Variants in THRB observed in about 807,000 individuals in gnomAD.
THRB encodes thyroid hormone receptor beta, also known as nuclear receptor subfamily 1 group A member 2.
A neutral mutation model predicts 47.8 loss-of-function variants in THRB; 12 were observed. The ratio of observed to expected loss-of-function variants is 0.25; its 90% CI spans 0.16 to 0.41. The LOEUF (loss-of-function observed/expected upper bound fraction) is 0.41, where lower values mean the gene tolerates loss of function less well. Among genes scored for constraint, THRB ranks in the 10% least tolerant of loss-of-function variants. The pLI is 1.00. For missense variants in THRB, 348 were observed against 589.2 expected (o/e 0.59, Z 4.24); for synonymous variants, 218 against 212.2 (o/e 1.03, Z -0.24).
chr3:24,241,848 G>A (rs1385371867), intron 3 of THRB, among the ~76,000 whole-genome samples: 1 of 152,052 alleles, frequency 6.6e-6, no homozygotes, highest in African/African-American at 2.4e-5. Flanking sequence ...TGGGGTTCGG[G>A]TCCTATGTTT....
At chr3:24,291,730 G>A (rs2055937598) in intron 3 of THRB, among the ~76,000 whole-genome samples, 1 of 152,106 alleles carries the variant, frequency 6.6e-6, no homozygotes, top group African/African-American at 2.4e-5. Context: ...GATATGGAGG[G>A]CTGACTCTAC....
chr3:24,482,685 G>A (rs1235984915), intron 1 of THRB, among the ~76,000 whole-genome samples: 3 of 151,998 alleles, frequency 2.0e-5, no homozygotes, highest in Non-Finnish European at 2.9e-5. Context: ...CCGTGACAGG[G>A]CATTAAAATA....
chr3:24,466,951 G>A (rs2074204210), intron 1 of THRB, among the ~76,000 whole-genome samples: 1 of 152,142 alleles, frequency 6.6e-6, no homozygotes, highest in South Asian at 2.1e-4. Context: ...TTTCTTTCAT[G>A]AAATGTTTCT....
intron 5 of THRB, among the ~76,000 whole-genome samples, chr3:24,185,908 G>C (rs2042511711): frequency 6.6e-6 from 1 of 152,122 alleles, no homozygotes; most frequent in Non-Finnish European, 1.5e-5. Flanking sequence ...AACAGTGTGG[G>C]GTTCTCAGAA....
chr3:24,269,399 G>A (rs200334581), intron 3 of THRB, among the ~76,000 whole-genome samples: 2,122 of 89,788 alleles, frequency 0.024, 70 homozygotes, highest in African/African-American at 0.075. Flanking sequence ...GCGCGCGCGC[G>A]CGCGCACACA....
At chr3:24,211,493 T>C (rs1485928192) in intron 4 of THRB, among the ~76,000 whole-genome samples, 1 of 152,214 alleles carries the variant, frequency 6.6e-6, no homozygotes, top group Non-Finnish European at 1.5e-5. Flanking sequence ...CAAAATGTCC[T>C]GTCACCGTAA....
At chr3:24,487,984 A>T (rs559811222) in intron 1 of THRB, among the ~76,000 whole-genome samples, 2 of 152,362 alleles carry the variant, frequency 1.3e-5, no homozygotes, top group Admixed American at 6.5e-5. Context: ...CTTGAGAACC[A>T]AGGAACAACA....
chr3:24,295,455 A>T (rs2056363004), intron 3 of THRB, among the ~76,000 whole-genome samples: 2 of 152,234 alleles, frequency 1.3e-5, no homozygotes, highest in Admixed American at 1.3e-4. Flanking sequence ...AAATTGAGTG[A>T]TTGAATGGTA....
chr3:24,200,253 T>A (rs534847779), intron 4 of THRB, among the ~76,000 whole-genome samples: 2 of 152,222 alleles, frequency 1.3e-5, no homozygotes, highest in East Asian at 3.9e-4. Flanking sequence ...TGAACCCACA[T>A]TTTTCAAAAA....
At chr3:24,257,038 G>A (rs2051362953) in intron 3 of THRB, among the ~76,000 whole-genome samples, 1 of 152,104 alleles carries the variant, frequency 6.6e-6, no homozygotes, top group Non-Finnish European at 1.5e-5. Context: ...GGTTGTGATA[G>A]CTGTAACTTG....
chr3:24,269,840 T>A (rs1284230327), intron 3 of THRB, among the ~76,000 whole-genome samples: 1 of 152,212 alleles, frequency 6.6e-6, no homozygotes, highest in African/African-American at 2.4e-5. Context: ...ACTTTATCAG[T>A]AAGAAATTAA....
intron 1 of THRB, among the ~76,000 whole-genome samples, chr3:24,405,469 T>C (rs2067747334): frequency 6.6e-6 from 1 of 151,932 alleles, no homozygotes. Context: ...TTGTGGGCCT[T>C]TGGTCTATTG....
chr3:24,329,561 C>T (rs1307507126), intron 2 of THRB, among the ~76,000 whole-genome samples: 1 of 152,240 alleles, frequency 6.6e-6, no homozygotes, highest in Non-Finnish European at 1.5e-5. Context: ...ACTGCCACAT[C>T]TGGCTAAGCT....
At chr3:24,201,936 A>C (rs919225663) in intron 4 of THRB, among the ~76,000 whole-genome samples, 2 of 152,112 alleles carry the variant, frequency 1.3e-5, no homozygotes, top group Non-Finnish European at 2.9e-5. Flanking sequence ...ATCAGTTTTC[A>C]TTTAATTTTC....
At chr3:24,389,052 A>C (rs1467385715) in intron 1 of THRB, among the ~76,000 whole-genome samples, 2 of 152,120 alleles carry the variant, frequency 1.3e-5, no homozygotes, top group Non-Finnish European at 2.9e-5. Flanking sequence ...TCTGAAGGAG[A>C]CTGTGTGACT....
intron 1 of THRB, among the ~76,000 whole-genome samples, chr3:24,477,389 A>G (rs1049796879): frequency 3.3e-5 from 5 of 152,194 alleles, no homozygotes; most frequent in Admixed American, 1.3e-4. Context: ...TAGGAAGAGA[A>G]CAAAAGTGCT....
rs538491675 is a variant in THRB at position 24,172,088 on chromosome 3, C to T, written c.283+17986G>A. Among the ~76,000 whole-genome samples, 17 of 152,264 alleles carry T rather than the reference C, an allele frequency of 1.1e-4. No homozygotes were observed. The South Asian group carries it at 1.9e-3, about 17-fold the overall frequency. ...GAATGACTTTGTATAACAGCATTTC[C>T]TAAACATTTCTGATCATAGAACCCT... On this transcript the variant is annotated intron_variant, in intron 5 of 10. Transcript: ENST00000646209.
At chr3:24,328,401 C>A (rs1032584651) in intron 2 of THRB, among the ~76,000 whole-genome samples, 1 of 152,118 alleles carries the variant, frequency 6.6e-6, no homozygotes. Context: ...GAGCATTTGA[C>A]GCCTCCACAT....
chr3:24,182,968 C>T (rs1468609610), intron 5 of THRB, among the ~76,000 whole-genome samples: 1 of 152,200 alleles, frequency 6.6e-6, no homozygotes, highest in Non-Finnish European at 1.5e-5. Context: ...GTAGAGAGCT[C>T]TGACCCTGGG....
Sources: allele counts gnomAD v4.1 joint callset (sites outside exome capture counted in the v4.1 genomes callset), GRCh38; gene constraint gnomAD v4.1.1; transcripts MANE v1.5; gene names NCBI Gene and HGNC (gene_info 2026-07-23, HGNC 2026-07-21).